NDST4: variants seen among roughly 807,000 people sequenced by gnomAD.
NDST4 encodes N-heparan sulfate sulfotransferase 4.
Under a neutral mutation model 100.8 loss-of-function variants are expected in NDST4, and 63 were observed. The ratio of observed to expected loss-of-function variants is 0.62; its 90% CI spans 0.51 to 0.77. The LOEUF (loss-of-function observed/expected upper bound fraction) is 0.77, where lower values mean the gene tolerates loss of function less well. Among genes scored for constraint, NDST4 ranks in the 30% least tolerant of loss-of-function variants. The pLI is 0.00. For synonymous variants in NDST4, 377 were observed against 361.8 expected (o/e 1.04, Z -0.48); for missense variants, 943 against 1,018.4 (o/e 0.93, Z 1.01).
chr4:115,001,559 G>C (rs1188520022), intron 2 of NDST4, among the ~76,000 whole-genome samples: 1 of 151,636 alleles, frequency 6.6e-6, no homozygotes, highest in Non-Finnish European at 1.5e-5. Context: ...AATTCTGTTT[G>C]ATTACCAAAG....
intron 6 of NDST4, among the ~76,000 whole-genome samples, chr4:114,875,121 C>A (rs1427238891): frequency 6.6e-6 from 1 of 152,128 alleles, no homozygotes; most frequent in Non-Finnish European, 1.5e-5. Context: ...TCAGTATGTG[C>A]TAATTTCAGT....
At position 115,077,094 on chromosome 4, in the gene NDST4, T is replaced by G; in HGVS notation, c.-58A>C. 1 of 1,455,038 alleles carries G rather than the reference T, an allele frequency of 6.9e-7. No homozygotes were observed. The highest frequency in any genetic ancestry group is 9.2e-7 in the Non-Finnish European group (1 of 1,083,632). 90.1% of individuals were successfully genotyped at this position (1,455,038 alleles called of 1,614,324 possible). ...AATTTCGTTTCCTAAAGTGCCATAG[T>G]GAATAAAGTATGAGATGTTGCAAAT... On this transcript the variant is annotated 5_prime_UTR_variant, in exon 2 of 14. Coordinates refer to ENST00000264363, the MANE Select transcript of NDST4 (RefSeq NM_022569.3).
At chr4:115,011,392 T>C (rs1727541894) in intron 2 of NDST4, among the ~76,000 whole-genome samples, 1 of 151,978 alleles carries the variant, frequency 6.6e-6, no homozygotes, top group African/African-American at 2.4e-5. Context: ...TCTTAACCTT[T>C]CTTTATACTT....
intron 7 of NDST4, among the ~76,000 whole-genome samples, chr4:114,860,967 A>G (rs1049974106): frequency 6.6e-6 from 1 of 152,230 alleles, no homozygotes; most frequent in Non-Finnish European, 1.5e-5. Flanking sequence ...ATGGTAAATC[A>G]GCAACGAAAT....
At chr4:114,965,517 A>C (rs962486449) in intron 4 of NDST4, among the ~76,000 whole-genome samples, 4 of 152,070 alleles carry the variant, frequency 2.6e-5, no homozygotes, top group African/African-American at 9.7e-5. Context: ...TAAAATCAGA[A>C]TTTAAAATCC....
At chr4:114,906,839 A>G (rs1342435735) in intron 6 of NDST4, among the ~76,000 whole-genome samples, 1 of 152,038 alleles carries the variant, frequency 6.6e-6, no homozygotes, top group Non-Finnish European at 1.5e-5. Flanking sequence ...TGAAGGGACC[A>G]TGGTGTATTT....
At chr4:115,095,372 T>C (rs1688536952) in intron 1 of NDST4, among the ~76,000 whole-genome samples, 1 of 152,152 alleles carries the variant, frequency 6.6e-6, no homozygotes, top group South Asian at 2.1e-4. Flanking sequence ...GGTGAAATGA[T>C]TCTCCAAAGG....
chr4:115,062,867 C>T (rs767691567), intron 2 of NDST4, among the ~76,000 whole-genome samples: 9 of 151,646 alleles, frequency 5.9e-5, no homozygotes, highest in African/African-American at 1.5e-4. Context: ...GTGAGCCATA[C>T]GAGTAAAAGT....
intron 6 of NDST4, among the ~76,000 whole-genome samples, chr4:114,911,380 A>G (rs1313123294): frequency 6.6e-6 from 1 of 152,174 alleles, no homozygotes; most frequent in African/African-American, 2.4e-5. Flanking sequence ...TGAATGCCTC[A>G]TTACTTAGCT....
intron 2 of NDST4, among the ~76,000 whole-genome samples, chr4:115,058,621 A>G (rs771332617): frequency 6.6e-6 from 1 of 152,050 alleles, no homozygotes; most frequent in Non-Finnish European, 1.5e-5. Context: ...AAATTTTAAG[A>G]CATTTAAAAT....
intron 1 of NDST4, among the ~76,000 whole-genome samples, chr4:115,110,752 A>T (rs1729937797): frequency 6.6e-6 from 1 of 151,968 alleles, no homozygotes; most frequent in Non-Finnish European, 1.5e-5. Flanking sequence ...GCAACTTTTA[A>T]TAAAGAAGAA....
chr4:114,980,205 T>A (rs982231211), intron 2 of NDST4, among the ~76,000 whole-genome samples: 4 of 152,242 alleles, frequency 2.6e-5, no homozygotes, highest in Non-Finnish European at 5.9e-5. Context: ...CTTCAATTTT[T>A]AAAACCCCTT....
At chr4:114,902,226 C>T (rs1399650376) in intron 6 of NDST4, among the ~76,000 whole-genome samples, 1 of 151,676 alleles carries the variant, frequency 6.6e-6, no homozygotes, top group Non-Finnish European at 1.5e-5. Context: ...CATTATTTTC[C>T]TTCTGTTTAA....
At chr4:114,876,133 G>A (rs1230611108) in intron 6 of NDST4, among the ~76,000 whole-genome samples, 2 of 152,140 alleles carry the variant, frequency 1.3e-5, no homozygotes, top group Non-Finnish European at 2.9e-5. Context: ...AGAGCAAGAA[G>A]AGAGCCACCC....
chr4:114,870,968 A>T lies in NDST4; in HGVS notation c.1537-18T>A. The T allele has an allele frequency of 6.3e-7, 1 of 1,586,292 alleles. No homozygotes were observed. Among genetic ancestry groups the T allele is most frequent in the Non-Finnish European group, 8.6e-7 (1 of 1,164,870 alleles). On this transcript the variant is annotated intron_variant, in intron 6 of 13. Coordinates refer to ENST00000264363, the MANE Select transcript of NDST4 (RefSeq NM_022569.3). ...ATGCTGATCTGAAAGATAAATAAAA[A>T]TGACCACAAAAATATCATATGCTTA... is the stretch of plus-strand genomic sequence containing the variant.
intron 6 of NDST4, among the ~76,000 whole-genome samples, chr4:114,892,303 C>T (rs901325002): frequency 8.6e-5 from 13 of 151,992 alleles, no homozygotes; most frequent in Non-Finnish European, 1.9e-4. Flanking sequence ...TTACTTTGTG[C>T]TTTTAGCTTG....
intron 7 of NDST4, among the ~76,000 whole-genome samples, chr4:114,857,526 C>T (rs1244379873): frequency 1.3e-5 from 2 of 152,176 alleles, no homozygotes; most frequent in Non-Finnish European, 2.9e-5. Context: ...TGAAGGGTTT[C>T]TATAACCTGC....
intron 7 of NDST4, among the ~76,000 whole-genome samples, chr4:114,859,514 T>C (rs1723871960): frequency 6.6e-6 from 1 of 152,154 alleles, no homozygotes; most frequent in Non-Finnish European, 1.5e-5. Context: ...TGGTGGAAGC[T>C]CTTTTCTCCA....
chr4:114,941,750 G>C (rs1578403284), intron 4 of NDST4, among the ~76,000 whole-genome samples: 1 of 152,178 alleles, frequency 6.6e-6, no homozygotes, highest in East Asian at 1.9e-4. Flanking sequence ...GTTCTATATG[G>C]TTCTGAGAGT....
Sources: allele counts gnomAD v4.1 joint callset (sites outside exome capture counted in the v4.1 genomes callset), GRCh38; gene constraint gnomAD v4.1.1; transcripts MANE v1.5; gene names NCBI Gene and HGNC (gene_info 2026-07-23, HGNC 2026-07-21).